The following NKAIN2 variants were observed in gnomAD, a reference collection of about 807,000 sequenced individuals.
NKAIN2 encodes sodium/potassium transporting ATPase interacting 2.
A neutral mutation model predicts 32.6 loss-of-function variants in NKAIN2; 14 were observed. The observed-to-expected ratio is 0.43, with a 90% CI of 0.28 to 0.67. The LOEUF (loss-of-function observed/expected upper bound fraction) is 0.67, where lower values mean the gene tolerates loss of function less well. NKAIN2 is among the 30% of genes least tolerant of loss of function. The pLI is 0.17. For missense variants in NKAIN2, 198 were observed against 258.3 expected (o/e 0.77, Z 1.60); for synonymous variants, 80 against 87.2 (o/e 0.92, Z 0.46).
intron 1 of NKAIN2, among the ~76,000 whole-genome samples, chr6:123,903,767 A>G (rs1171270233): frequency 6.6e-6 from 1 of 152,188 alleles, no homozygotes; most frequent in Non-Finnish European, 1.5e-5. Context: ...ATTTAGTAAT[A>G]TTATTTGCCT....
At chr6:124,186,562 A>G (rs530279407) in intron 1 of NKAIN2, among the ~76,000 whole-genome samples, 3 of 152,314 alleles carry the variant, frequency 2.0e-5, no homozygotes, top group Non-Finnish European at 2.9e-5. Context: ...CGATGAAACT[A>G]TGCAGGTTTA....
chr6:123,852,390 T>A (rs1327849036), intron 1 of NKAIN2, among the ~76,000 whole-genome samples: 1 of 152,222 alleles, frequency 6.6e-6, no homozygotes, highest in African/African-American at 2.4e-5. Flanking sequence ...GTCTCTTGAA[T>A]TTTTTCTTCC....
chr6:124,236,674 G>T (rs753605381), intron 1 of NKAIN2, among the ~76,000 whole-genome samples: 1 of 152,128 alleles, frequency 6.6e-6, no homozygotes, highest in Non-Finnish European at 1.5e-5. Flanking sequence ...CCTTGGTTTT[G>T]TCTAAGGCAA....
intron 1 of NKAIN2, among the ~76,000 whole-genome samples, chr6:124,027,888 C>G (rs960674125): frequency 6.6e-6 from 1 of 152,128 alleles, no homozygotes; most frequent in African/African-American, 2.4e-5. Context: ...AAACATCCAA[C>G]CATGCCATTC....
intron 1 of NKAIN2, among the ~76,000 whole-genome samples, chr6:123,981,606 C>G (rs546697861): frequency 6.6e-6 from 1 of 152,250 alleles, no homozygotes; most frequent in Non-Finnish European, 1.5e-5. Context: ...TGCAGAATGG[C>G]CTGTGGAGTT....
rs557707662 is a variant in NKAIN2, at chr6:124,822,562, AGTTC to A, written c.618-657_618-654del. 1.1e-3 allele frequency among the ~76,000 whole-genome samples: 175 copies of A among 152,314 alleles called. 4 individuals are homozygous for A. The highest frequency in any genetic ancestry group is 0.011 in the Admixed American group (171 of 15,298). ...TGACCTACAGTCACAGCTGTGTTTC[AGTTC>A]CTGCAAACAATGAATAGACAGTCCT... On this transcript the variant is annotated intron_variant, in intron 6 of 6. Coordinates refer to ENST00000368417, the MANE Select transcript of NKAIN2 (RefSeq NM_001040214.3).
At chr6:124,349,851 C>T (rs1164365558) in intron 2 of NKAIN2, among the ~76,000 whole-genome samples, 1 of 152,172 alleles carries the variant, frequency 6.6e-6, no homozygotes, top group Non-Finnish European at 1.5e-5. Flanking sequence ...CATGATGATT[C>T]AATTACTTTT....
intron 4 of NKAIN2, among the ~76,000 whole-genome samples, chr6:124,668,951 C>T (rs1407621037): frequency 6.6e-6 from 1 of 152,050 alleles, no homozygotes; most frequent in African/African-American, 2.4e-5. Flanking sequence ...ATGTGGTACT[C>T]ACATGTTCTT....
intron 4 of NKAIN2, among the ~76,000 whole-genome samples, chr6:124,741,045 A>C (rs1777182495): frequency 6.6e-6 from 1 of 151,802 alleles, no homozygotes; most frequent in Non-Finnish European, 1.5e-5. Flanking sequence ...GGATATGCTC[A>C]AAAGAAGTGT....
chr6:123,853,195 A>C (rs1215395824), intron 1 of NKAIN2, among the ~76,000 whole-genome samples: 1 of 152,190 alleles, frequency 6.6e-6, no homozygotes. Context: ...GAGGAAAAAA[A>C]TGACTTGTAT....
At chr6:124,065,670 A>T (rs562615405) in intron 1 of NKAIN2, among the ~76,000 whole-genome samples, 1 of 152,162 alleles carries the variant, frequency 6.6e-6, no homozygotes, top group Non-Finnish European at 1.5e-5. Flanking sequence ...GTAAGAAATA[A>T]ATTTCTATTG....
chr6:124,476,049 AGAGAGAGAGAGAGAGAGT>A (rs1777186440), intron 3 of NKAIN2, among the ~76,000 whole-genome samples: 4 of 105,068 alleles, frequency 3.8e-5, no homozygotes, highest in African/African-American at 1.6e-4. Flanking sequence ...TGTGTGTGTG[AGAGAGAGAGAGAGAGAGT>A]GTGTGTGTGT....
At chr6:123,932,825 T>C (rs1369461357) in intron 1 of NKAIN2, among the ~76,000 whole-genome samples, 1 of 151,448 alleles carries the variant, frequency 6.6e-6, no homozygotes, top group East Asian at 1.9e-4. Context: ...GCATCACCAG[T>C]GCTTTCATTA....
At chr6:124,804,225 A>G (rs1205838867) in intron 5 of NKAIN2, among the ~76,000 whole-genome samples, 2 of 152,206 alleles carry the variant, frequency 1.3e-5, no homozygotes, top group East Asian at 3.9e-4. Context: ...AACAAGATCC[A>G]GGTCTCAGCA....
intron 4 of NKAIN2, among the ~76,000 whole-genome samples, chr6:124,721,231 C>A (rs1355626515): frequency 6.6e-6 from 1 of 151,804 alleles, no homozygotes; most frequent in Admixed American, 6.6e-5. Flanking sequence ...GGTGAAACCC[C>A]GTCTCTACTA....
chr6:124,383,957 T>G (rs537248022), intron 3 of NKAIN2, among the ~76,000 whole-genome samples: 2 of 152,312 alleles, frequency 1.3e-5, no homozygotes, highest in South Asian at 4.1e-4. Flanking sequence ...GAATATTAAT[T>G]ATACCTACAT....
rs866604029 is a variant in NKAIN2 at position 124,476,073 on chromosome 6, T to A, written c.273+120726T>A. Among the ~76,000 whole-genome samples, 807 of 141,764 alleles carry A rather than the reference T, an allele frequency of 5.7e-3. 7 individuals carry two copies. The highest frequency in any genetic ancestry group is 0.032 in the Middle Eastern group (9 of 278). 93.0% of individuals were successfully genotyped at this position (141,764 alleles called of 152,430 possible). A position where few individuals can be genotyped will look rare whatever the true frequency, so the allele number is the denominator to read the frequency against. ...GAGAGAGAGAGAGAGAGAGTGTGTG[T>A]GTGTGTGTGTGTGTGTGTGTGTGTG... is the stretch of plus-strand genomic sequence containing the variant. On this transcript the variant is annotated intron_variant, in intron 3 of 6. Transcript: ENST00000368417.
At chr6:123,916,803 G>A (rs200899420) in intron 1 of NKAIN2, among the ~76,000 whole-genome samples, 20 of 106,694 alleles carry the variant, frequency 1.9e-4, no homozygotes, top group Admixed American at 8.1e-4. Context: ...CTATGTATCT[G>A]TGTATCTATG....
chr6:124,043,886 A>G lies in NKAIN2; in HGVS notation c.55-239119A>G, dbSNP rs915413031. ...TGCACAACAATGGATCATACACATT[A>G]TTAAACACTGACTTCCCTGGTGAAC... is the stretch of plus-strand genomic sequence containing the variant. On this transcript the variant is annotated intron_variant, in intron 1 of 6. Coordinates refer to ENST00000368417, the MANE Select transcript of NKAIN2 (RefSeq NM_001040214.3). 2.6e-5 allele frequency among the ~76,000 whole-genome samples: 4 copies of G among 152,112 alleles called. 1 individual carries two copies. The South Asian group carries it at 6.2e-4, about 24-fold the overall frequency.
Sources: allele counts gnomAD v4.1 joint callset (sites outside exome capture counted in the v4.1 genomes callset), GRCh38; gene constraint gnomAD v4.1.1; transcripts MANE v1.5; gene names NCBI Gene and HGNC (gene_info 2026-07-23, HGNC 2026-07-21).